MMRN1: variants seen among roughly 807,000 people sequenced by gnomAD.
MMRN1 encodes the protein multimerin-1.
MMRN1 carries 94 observed loss-of-function variants against 100.7 expected under a neutral mutation model. The ratio of observed to expected loss-of-function variants is 0.93; its 90% CI spans 0.79 to 1.11. The LOEUF is 1.11. MMRN1 is among the 50% of genes least tolerant of loss of function. The pLI is 0.00. For synonymous variants in MMRN1, 575 were observed against 505.0 expected, an observed-to-expected ratio of 1.14 and a Z score of -1.86; for missense variants, 1,606 against 1,439.1, an observed-to-expected ratio of 1.12 and a Z score of -1.88.
intron 3 of MMRN1, among the ~76,000 whole-genome samples, chr4:89,912,560 G>A (rs1327373392): frequency 6.7e-6 from 1 of 148,798 alleles, no homozygotes; most frequent in African/African-American, 2.5e-5. Context: ...TTTTTCAGCT[G>A]AGGTTTTAAG....
chr4:89,890,875 T>G (rs142755487), upstream of MMRN1, among the ~76,000 whole-genome samples: 280 of 150,670 alleles, frequency 1.9e-3, 1 homozygote, highest in East Asian at 0.024. Context: ...AAATATGTTG[T>G]TTTTTTTTCC....
chr4:89,948,022 T>G (rs1237238193), intron 6 of MMRN1, among the ~76,000 whole-genome samples: 1 of 151,998 alleles, frequency 6.6e-6, no homozygotes, highest in Non-Finnish European at 1.5e-5. Context: ...CCAGCTAATT[T>G]TGTATTTTTA....
At chr4:89,880,656 A>T (rs1720796063) in intron 1 of MMRN1, among the ~76,000 whole-genome samples, 1 of 152,166 alleles carries the variant, frequency 6.6e-6, no homozygotes, top group African/African-American at 2.4e-5. Flanking sequence ...TGGACATTTA[A>T]GAATTGATAA....
Position 89,935,236 on chromosome 4 carries a change from A to T in MMRN1, c.1556A>T (p.Gln519Leu). 1 of 1,613,680 alleles carries T rather than the reference A, an allele frequency of 6.2e-7. No homozygotes were observed. ...TCTAAATTGAAGGAAGTACATGAGCAGCTTTTATCAACTGAACAGGTATCA... is the reference window on the plus strand; with the variant it reads ...TCTAAATTGAAGGAAGTACATGAGCTGCTTTTATCAACTGAACAGGTATCA... ...TLSKLKEVHE[Q>L]LLSTEQVSDQ... Residue 519 changes from glutamine (Q) to leucine (L), a missense_variant, in exon 6 of 8, where the codon CAG becomes CTG. By Grantham distance (113) the Gln-to-Leu change is moderately radical. Transcript: ENST00000264790.
Position 89,911,819 on chromosome 4 carries a change from G to T in MMRN1, c.744-125G>T, listed in dbSNP as rs564116552. The stretch of plus-strand genomic sequence containing the variant: ...GATGATGAATATTATGATTATAACA[G>T]CCGATACTAAATAAATGCTTGTTAT... On this transcript the variant is annotated intron_variant, in intron 2 of 7. Coordinates refer to ENST00000264790, the MANE Select transcript of MMRN1 (RefSeq NM_007351.3). 53 of 624,804 alleles carry T rather than the reference G, an allele frequency of 8.5e-5. No homozygotes were observed. The African/African-American group carries it at 9.7e-4, about 11-fold the overall frequency. 38.7% of individuals were successfully genotyped at this position (624,804 alleles called of 1,614,324 possible).
chr4:89,930,164 C>T (rs1722392082), intron 5 of MMRN1, among the ~76,000 whole-genome samples: 1 of 152,134 alleles, frequency 6.6e-6, no homozygotes, highest in Admixed American at 6.5e-5. Context: ...TTGACATGTT[C>T]TTGGGAAATC....
rs762465258 is a variant in MMRN1 at position 89,936,517 on chromosome 4, C to G, written c.2837C>G (p.Pro946Arg). 2 of 1,613,186 alleles carry G rather than the reference C, an allele frequency of 1.2e-6. No individual in the cohort carries two copies. Residue 946 changes from proline (P) to arginine (R), a missense_variant, in exon 6 of 8, where the codon CCT becomes CGT. Transcript: ENST00000264790. Reference protein sequence around the residue: ...TSVSELNATIPKWIKHSLPDI... With the variant: ...TSVSELNATIRKWIKHSLPDI... ...GTGTCAGAACTGAATGCTACCATCC[C>G]TAAGTGGATAAAACATTCCCTGCCA...
intron 7 of MMRN1, among the ~76,000 whole-genome samples, chr4:89,951,980 A>G (rs1392851602): frequency 2.0e-5 from 3 of 152,276 alleles, no homozygotes; most frequent in Non-Finnish European, 4.4e-5. Flanking sequence ...CAATATTGCT[A>G]TATAGAGGCA....
chr4:89,947,725 G>A (rs1050577471), intron 6 of MMRN1, among the ~76,000 whole-genome samples: 3 of 152,150 alleles, frequency 2.0e-5, no homozygotes, highest in Admixed American at 1.3e-4. Context: ...ATTTTTGTTG[G>A]TAATTCAAGA....
At chr4:89,904,403 C>A (rs187111760) in intron 1 of MMRN1, among the ~76,000 whole-genome samples, 1 of 151,750 alleles carries the variant, frequency 6.6e-6, no homozygotes, top group East Asian at 1.9e-4. Flanking sequence ...TTCATCTTCC[C>A]AAACTGAAGC....
At chr4:89,911,234 C>A (rs1354599480) in intron 2 of MMRN1, among the ~76,000 whole-genome samples, 1 of 151,362 alleles carries the variant, frequency 6.6e-6, no homozygotes, top group African/African-American at 2.4e-5. Flanking sequence ...TTTACAAACA[C>A]ACAGAGCTCA....
At chr4:89,916,660 TTA>T (rs1300736972) in intron 3 of MMRN1, among the ~76,000 whole-genome samples, 3 of 151,700 alleles carry the variant, frequency 2.0e-5, no homozygotes, top group Non-Finnish European at 3.0e-5. Context: ...TGTTTATTTT[TTA>T]TCTTTTTCAA....
chr4:89,927,318 T>C (rs1560590970), intron 4 of MMRN1, among the ~76,000 whole-genome samples: 2 of 152,274 alleles, frequency 1.3e-5, no homozygotes, highest in East Asian at 1.9e-4. Context: ...GTTTTCATTA[T>C]AGTGACCTTC....
In MMRN1 at chr4:89,936,669, G is replaced by A. The variant is rs773847321; in HGVS notation, c.2989G>A (p.Val997Ile). Residue 997 changes from valine to isoleucine, a missense_variant, in exon 6 of 8, where the codon GTT (valine) becomes ATT (isoleucine). By Grantham distance (29) the Val-to-Ile change is conservative. Transcript: ENST00000264790. ...ATCGTTGCCTGGTAGTCTGGCAAAT[G>A]TTGTCAAGTCTCAGAAGCAAGTAAA... ...DRSLPGSLAN[V>I]VKSQKQVKSL... The A allele has an allele frequency of 2.3e-5, 37 of 1,613,498 alleles. No homozygotes were observed. Among genetic ancestry groups the A allele is most frequent in the Non-Finnish European group, 3.1e-5 (36 of 1,179,642 alleles).
chr4:89,903,420 G>A (rs1721453800), intron 1 of MMRN1, among the ~76,000 whole-genome samples: 1 of 150,420 alleles, frequency 6.6e-6, no homozygotes, highest in African/African-American at 2.4e-5. Flanking sequence ...ATGGTCTTCT[G>A]TATTGGCTTT....
chr4:89,882,026 C>T (rs1720830471), intron 1 of MMRN1, among the ~76,000 whole-genome samples: 1 of 151,682 alleles, frequency 6.6e-6, no homozygotes, highest in African/African-American at 2.4e-5. Context: ...CTAAATAACC[C>T]TCTCAGAAAG....
intron 2 of MMRN1, 78 bp downstream of exon 2, chr4:89,909,473 T>G: frequency 2.4e-5 from 36 of 1,529,968 alleles, no homozygotes; most frequent in Non-Finnish European, 3.2e-5. Flanking sequence ...ATGTTATTCA[T>G]GCAAGGTACA....
chr4:89,941,770 G>C (rs952297080), intron 6 of MMRN1, among the ~76,000 whole-genome samples: 3 of 152,136 alleles, frequency 2.0e-5, no homozygotes, highest in African/African-American at 4.8e-5. Flanking sequence ...CTTCTCTGCA[G>C]ATTATCTTAA....
At chr4:89,906,916 T>C (rs1481520885) in intron 1 of MMRN1, among the ~76,000 whole-genome samples, 3 of 151,398 alleles carry the variant, frequency 2.0e-5, no homozygotes, top group Admixed American at 6.6e-5. Flanking sequence ...CTCTGCCAGG[T>C]GACACTATCA....
Sources: gnomAD v4.1 joint callset for allele counts (sites outside exome capture counted in the v4.1 genomes callset) on GRCh38, gnomAD v4.1.1 for gene constraint, MANE v1.5 for transcripts, NCBI Gene and HGNC (gene_info 2026-07-23, HGNC 2026-07-21) for gene names.